ARHGEF7: variants seen among roughly 807,000 people sequenced by gnomAD.
ARHGEF7 encodes the protein PAK-interacting exchange factor beta.
In ARHGEF7, 33 loss-of-function variants were observed where a neutral mutation model predicts 109.8. The observed-to-expected ratio is 0.30, with a 90% CI of 0.23 to 0.40. ARHGEF7 has a LOEUF of 0.40. Ranked by LOEUF, ARHGEF7 falls within the 10% of genes least tolerant of loss-of-function variation. ARHGEF7 has a pLI of 1.00. For missense variants in ARHGEF7, 938 were observed against 1,098.5 expected, an observed-to-expected ratio of 0.85 and a Z score of 2.07; for synonymous variants, 458 against 424.6, an observed-to-expected ratio of 1.08 and a Z score of -0.97.
chr13:111,139,255 C>T (rs966517303), intron 1 of ARHGEF7, among the ~76,000 whole-genome samples: 19 of 152,082 alleles, frequency 1.2e-4, no homozygotes, highest in African/African-American at 3.6e-4. Context: ...CTGCCCAGGG[C>T]GGCACACACT....
chr13:111,285,519 T>C (rs2092981715), intron 16 of ARHGEF7, among the ~76,000 whole-genome samples: 1 of 152,168 alleles, frequency 6.6e-6, no homozygotes, highest in Non-Finnish European at 1.5e-5. Flanking sequence ...TGAAAAGCTG[T>C]TTGAAGAGGT....
intron 1 of ARHGEF7, among the ~76,000 whole-genome samples, chr13:111,134,181 C>G (rs1326321172): frequency 6.6e-6 from 1 of 152,116 alleles, no homozygotes; most frequent in Non-Finnish European, 1.5e-5. Context: ...TTTTCTTAAT[C>G]CAGTCTATCA....
intron 5 of ARHGEF7, among the ~76,000 whole-genome samples, chr13:111,221,471 A>ATC (rs1214553385): frequency 1.1e-5 from 1 of 93,040 alleles, no homozygotes; most frequent in Non-Finnish European, 2.1e-5. Flanking sequence ...ATAGACATCT[A>ATC]TATATATAGA....
chr13:111,184,087 C>T (rs1027510295), intron 2 of ARHGEF7, among the ~76,000 whole-genome samples: 2 of 152,100 alleles, frequency 1.3e-5, no homozygotes. Context: ...AATTGAATCA[C>T]GGGTTGGTTT....
intron 16 of ARHGEF7, among the ~76,000 whole-genome samples, chr13:111,285,358 A>G (rs1437641482): frequency 6.6e-6 from 1 of 152,170 alleles, no homozygotes; most frequent in Non-Finnish European, 1.5e-5. Context: ...CGCGTTTAGC[A>G]TTCGTGATGG....
intron 2 of ARHGEF7, among the ~76,000 whole-genome samples, chr13:111,203,325 G>C (rs1450444559): frequency 6.6e-6 from 1 of 152,170 alleles, no homozygotes; most frequent in Non-Finnish European, 1.5e-5. Flanking sequence ...AAAAAATGCA[G>C]CTTAACCCGT....
chr13:111,301,543 A>G lies in ARHGEF7; in HGVS notation c.2466+11A>G, dbSNP rs745756001. ...CAAGAATTAAGACAGGTACGTCATA[A>G]TCCATCTTTAAATCTTTTTTTTCTT... On this transcript the variant is annotated intron_variant, in intron 21 of 21. Coordinates refer to ENST00000646102, the MANE Select transcript of ARHGEF7 (RefSeq NM_001354046.2). 1 of 1,597,918 alleles carries G rather than the reference A, an allele frequency of 6.3e-7. No homozygotes were observed. The highest frequency in any genetic ancestry group is 1.1e-5 in the South Asian group (1 of 89,662).
chr13:111,278,648 G>A (rs926281795), intron 13 of ARHGEF7, among the ~76,000 whole-genome samples: 1 of 152,230 alleles, frequency 6.6e-6, no homozygotes, highest in South Asian at 2.1e-4. Flanking sequence ...GCTGAAGAGA[G>A]GTGATCTGTG....
At chr13:111,232,532 T>G (rs1187622009) in intron 5 of ARHGEF7, among the ~76,000 whole-genome samples, 1 of 152,218 alleles carries the variant, frequency 6.6e-6, no homozygotes. Flanking sequence ...CAGGTGTTTC[T>G]TCAGCACCTG....
Position 111,131,936 on chromosome 13 carries a change from G to T in ARHGEF7, c.165+16245G>T, listed in dbSNP as rs560043744. 6.6e-6 allele frequency among the ~76,000 whole-genome samples: 1 copy of T among 152,320 alleles called. No homozygotes were observed. Among genetic ancestry groups the T allele is most frequent in the Admixed American group, 6.5e-5 (1 of 15,306 alleles). The stretch of plus-strand genomic sequence containing the variant: ...GGAAATGTTGGAATAGAGTTGTGGA[G>T]TATGAGAGAGGGGTGGACTCAGTGA... On this transcript the variant is annotated intron_variant, in intron 1 of 21. Coordinates refer to ENST00000646102, the MANE Select transcript of ARHGEF7 (RefSeq NM_001354046.2). This position sits in a 1 kb window ranked among gnomAD's most constrained non-coding sequence, Gnocchi z 4.4.
chr13:111,266,106 G>A lies in ARHGEF7; in HGVS notation c.951-1442G>A, dbSNP rs887342695. 2.0e-5 allele frequency among the ~76,000 whole-genome samples: 3 copies of A among 152,026 alleles called. No individual in the cohort carries two copies. The highest frequency in any genetic ancestry group is 4.8e-5 in the African/African-American group (2 of 41,374). On this transcript the variant is annotated intron_variant, in intron 8 of 21. Coordinates refer to ENST00000646102, the MANE Select transcript of ARHGEF7 (RefSeq NM_001354046.2). The surrounding 1 kb of genome is among the most constrained non-coding windows in gnomAD (Gnocchi z 4.8). ...GTCATTTTGGTCACGTACCTGCTCT[G>A]GGAACTTCCCGAGGAGCAAGTGCAT...
chr13:111,188,002 T>A (rs1256364254), intron 2 of ARHGEF7, among the ~76,000 whole-genome samples: 1 of 152,240 alleles, frequency 6.6e-6, no homozygotes, highest in Non-Finnish European at 1.5e-5. Context: ...TGAGTACAGG[T>A]GGGGCTGATG....
intron 18 of ARHGEF7, 81 bp downstream of exon 18, chr13:111,288,524 G>T: frequency 8.7e-7 from 1 of 1,155,716 alleles, no homozygotes; most frequent in Non-Finnish European, 1.3e-6. Flanking sequence ...AACCTGTTGT[G>T]GTAGGCCCCT....
At chr13:111,175,595 G>A (rs1449208927) in intron 2 of ARHGEF7, among the ~76,000 whole-genome samples, 2 of 152,210 alleles carry the variant, frequency 1.3e-5, no homozygotes, top group Admixed American at 6.5e-5. Context: ...CCAGGGGCGG[G>A]CCTCCTAAGC....
At chr13:111,186,843 G>A (rs576005596) in intron 2 of ARHGEF7, 4 of 985,414 alleles carry the variant, frequency 4.1e-6, no homozygotes, top group South Asian at 4.7e-5. Flanking sequence ...AGGCCTCTCC[G>A]TCAGTATTGA....
intron 4 of ARHGEF7, among the ~76,000 whole-genome samples, chr13:111,210,752 GGGATA>G (rs2082396577): frequency 6.6e-6 from 1 of 152,146 alleles, no homozygotes; most frequent in African/African-American, 2.4e-5. Flanking sequence ...TTGGCTGCTG[GGGATA>G]CCACTGCTTT....
chr13:111,195,651 T>C (rs1461949564), intron 2 of ARHGEF7, among the ~76,000 whole-genome samples: 2 of 152,206 alleles, frequency 1.3e-5, no homozygotes, highest in Non-Finnish European at 2.9e-5. Context: ...GGTTGGGGGC[T>C]TCTGGCCCAG....
At chr13:111,278,758 A>G (rs910078714) in intron 13 of ARHGEF7, among the ~76,000 whole-genome samples, 5 of 152,168 alleles carry the variant, frequency 3.3e-5, no homozygotes, top group South Asian at 2.1e-4. Context: ...GGTCAGCACT[A>G]TCTGGCTTCC....
intron 19 of ARHGEF7, chr13:111,293,776 C>T: frequency 2.0e-6 from 2 of 985,424 alleles, no homozygotes; most frequent in Non-Finnish European, 2.4e-6. Flanking sequence ...TTCTTCCCCA[C>T]TGCCCACTCC....
Sources: gnomAD v4.1 joint callset for allele counts (sites outside exome capture counted in the v4.1 genomes callset) on GRCh38, gnomAD v4.1.1 for gene constraint, Gnocchi (gnomAD v3.1) non-coding constraint, MANE v1.5 for transcripts, NCBI Gene and HGNC (gene_info 2026-07-23, HGNC 2026-07-21) for gene names.